The following FAAH2 variants were observed in gnomAD, a reference collection of about 807,000 sequenced individuals.
FAAH2 encodes fatty acid amide hydrolase 2, also known as fatty-acid amide hydrolase 2.
FAAH2 carries 60 observed loss-of-function variants against 36.9 expected under a neutral mutation model. The observed-to-expected ratio is 1.63, with a 90% CI of 1.32 to 2.02. The LOEUF (loss-of-function observed/expected upper bound fraction) is 2.02. Among genes scored for constraint, FAAH2 ranks in the 30% most tolerant of loss-of-function variants. The probability of loss-of-function intolerance (pLI) is 0.00; values close to 1 mark genes in which losing one functional copy is unlikely to be tolerated. For synonymous variants in FAAH2, 214 were observed against 143.8 expected (o/e 1.49, Z -3.49); for missense variants, 689 against 397.5 (o/e 1.73, Z -6.23).
At chrX:57,338,988 G>T (rs1168615002) in intron 4 of FAAH2, among the ~76,000 whole-genome samples, 1 of 111,280 alleles carries the variant, frequency 9.0e-6, no homozygotes, top group African/African-American at 3.3e-5. Context: ...AAAGCTGGTG[G>T]CATCATGGTA....
the FAAH2 span, among the ~76,000 whole-genome samples, chrX:57,272,734 C>A: frequency 5.9e-4 from 66 of 112,293 alleles, 1 homozygote; most frequent in Non-Finnish European, 9.8e-4. Flanking sequence ...CTAGATCTGC[C>A]TTACAGAGCT....
At position 57,286,873 on chromosome X, in the gene FAAH2, G is replaced by A. The variant is rs1470243493; in HGVS notation, c.48G>A (p.Ala16=). ...GCATTCAGTTGTTCCTCTTGCGGGC[G>A]CTAGGCTTTCTCATAGGCTTAGTAG... ...TARIQLFLLR[A]LGFLIGLVGR... is the part of the protein sequence containing the mutation. The change falls in exon 1 of 11, where the codon GCG becomes GCA. Residue 16 remains alanine, a synonymous_variant. Coordinates refer to ENST00000374900, the MANE Select transcript of FAAH2 (RefSeq NM_174912.4). The A allele has an allele frequency of 1.7e-6, 2 of 1,193,102 alleles. No homozygotes were observed. The highest frequency in any genetic ancestry group is 1.9e-5 in the South Asian group (1 of 53,723).
chrX:57,485,779 T>A (rs2057463157), intron 10 of FAAH2, among the ~76,000 whole-genome samples: 2 of 112,311 alleles, frequency 1.8e-5, no homozygotes, highest in Non-Finnish European at 3.8e-5. Context: ...ATTTTGTGAT[T>A]TTAAAAAATT....
At chrX:57,262,125 C>A in the FAAH2 span, among the ~76,000 whole-genome samples, 2 of 110,886 alleles carry the variant, frequency 1.8e-5, no homozygotes, top group Non-Finnish European at 3.8e-5. Flanking sequence ...AAATCTCAGG[C>A]ATTGTATCTA....
the FAAH2 span, among the ~76,000 whole-genome samples, chrX:57,162,927 G>A: frequency 9.8e-4 from 111 of 112,837 alleles, no homozygotes; most frequent in South Asian, 4.4e-3. Context: ...TTTGGAGGAG[G>A]AGAGGCGCTC....
intron 6 of FAAH2, 148 bp from the exon 7 acceptor site, chrX:57,380,764 C>A (rs5960962): frequency 5.1e-4 from 178 of 348,869 alleles, no homozygotes; most frequent in African/African-American, 4.4e-3. Context: ...AAATGCAAAT[C>A]TAAATTCTAA....
At chrX:57,213,150 C>T in the FAAH2 span, among the ~76,000 whole-genome samples, 1 of 111,539 alleles carries the variant, frequency 9.0e-6, no homozygotes, top group Non-Finnish European at 1.9e-5. Flanking sequence ...GATTATGCTT[C>T]ATACTTTTGT....
chrX:57,223,644 C>A, the FAAH2 span, among the ~76,000 whole-genome samples: 1 of 111,699 alleles, frequency 9.0e-6, no homozygotes, highest in Non-Finnish European at 1.9e-5. Flanking sequence ...GCAAAATTAA[C>A]AAATGGACTT....
At chrX:57,482,458 G>A (rs1232491567) in intron 10 of FAAH2, among the ~76,000 whole-genome samples, 4 of 111,295 alleles carry the variant, frequency 3.6e-5, no homozygotes, top group South Asian at 3.8e-4. Context: ...GCTGGGTAGC[G>A]CAGTCCTTCA....
the FAAH2 span, among the ~76,000 whole-genome samples, chrX:57,169,981 T>C: frequency 7.2e-5 from 8 of 110,700 alleles, no homozygotes; most frequent in African/African-American, 1.3e-4. Flanking sequence ...TTTATCTCAG[T>C]GCTATGGGTT....
the FAAH2 span, among the ~76,000 whole-genome samples, chrX:57,220,218 A>AC: frequency 4.4e-4 from 47 of 106,236 alleles, no homozygotes; most frequent in African/African-American, 1.5e-3. Context: ...ATCTTCTTTA[A>AC]CCCCCCAAGC....
chrX:57,188,067 C>T, the FAAH2 span, among the ~76,000 whole-genome samples: 1 of 111,615 alleles, frequency 9.0e-6, no homozygotes. Context: ...CAGGATGGTG[C>T]TGGCCTCATA....
chrX:57,256,496 G>A, the FAAH2 span, among the ~76,000 whole-genome samples: 11 of 111,554 alleles, frequency 9.9e-5, no homozygotes, highest in Admixed American at 1.9e-4. Flanking sequence ...AAAGTTGAAG[G>A]CACCACGCTA....
chrX:57,396,252 T>A (rs1188394866), intron 7 of FAAH2, among the ~76,000 whole-genome samples: 1 of 111,808 alleles, frequency 8.9e-6, no homozygotes, highest in Non-Finnish European at 1.9e-5. Flanking sequence ...CTATCAATTT[T>A]GTCTATCCTT....
At chrX:57,404,406 G>T (rs1347784944) in intron 7 of FAAH2, among the ~76,000 whole-genome samples, 1 of 111,844 alleles carries the variant, frequency 8.9e-6, no homozygotes, top group South Asian at 3.7e-4. Context: ...ATATGAATAT[G>T]TGCCTCCCTT....
intron 1 of FAAH2, among the ~76,000 whole-genome samples, chrX:57,288,421 C>T (rs1447452268): frequency 1.0e-5 from 1 of 96,612 alleles, no homozygotes; most frequent in African/African-American, 4.1e-5. Flanking sequence ...GCGATCTTCG[C>T]TCACTGCAAG....
At chrX:57,155,318 C>G in the FAAH2 span, among the ~76,000 whole-genome samples, 1 of 111,493 alleles carries the variant, frequency 9.0e-6, no homozygotes, top group Non-Finnish European at 1.9e-5. Context: ...AGGTGAGACT[C>G]TCCTTGGGTG....
chrX:57,417,648 T>C (rs2055880035), intron 7 of FAAH2, among the ~76,000 whole-genome samples: 2 of 111,619 alleles, frequency 1.8e-5, no homozygotes, highest in South Asian at 7.6e-4. Context: ...ACATGTGTCC[T>C]GTATGAGGTG....
chrX:57,268,590 G>A, the FAAH2 span, among the ~76,000 whole-genome samples: 4 of 111,643 alleles, frequency 3.6e-5, no homozygotes, highest in African/African-American at 1.3e-4. Context: ...AAATGTTAAA[G>A]GGAGGTAGAG....
Sources: gnomAD v4.1 joint callset for allele counts (sites outside exome capture counted in the v4.1 genomes callset) on GRCh38, gnomAD v4.1.1 for gene constraint, MANE v1.5 for transcripts, NCBI Gene and HGNC (gene_info 2026-07-23, HGNC 2026-07-21) for gene names.